OR7A10: variants seen among roughly 807,000 people sequenced by gnomAD.
OR7A10 encodes olfactory receptor family 7 subfamily A member 10, also known as olfactory receptor 7A10.
For synonymous variants in OR7A10, 144 were observed against 144.5 expected, an observed-to-expected ratio of 1.00 and a Z score of 0.02; for missense variants, 358 against 370.1, an observed-to-expected ratio of 0.97 and a Z score of 0.27.
At chr19:14,848,132 A>C (rs1232207440) in intron 1 of OR7A10, among the ~76,000 whole-genome samples, 3 of 151,540 alleles carry the variant, frequency 2.0e-5, no homozygotes, top group Non-Finnish European at 4.4e-5. Context: ...AAAAAAAAAA[A>C]AATGCCCTCA....
intron 1 of OR7A10, among the ~76,000 whole-genome samples, chr19:14,847,651 C>A (rs1171763123): frequency 4.6e-5 from 7 of 152,154 alleles, no homozygotes; most frequent in East Asian, 2.0e-4. Flanking sequence ...GCTGGGACTA[C>A]AAGCGCCCGC....
At chr19:14,847,788 A>C (rs2145099489) in intron 1 of OR7A10, among the ~76,000 whole-genome samples, 1 of 150,284 alleles carries the variant, frequency 6.7e-6, no homozygotes, top group African/African-American at 2.4e-5. Flanking sequence ...TGCTGGGACT[A>C]CAGGCGTGAG....
chr19:14,845,926 C>T (rs191511157), intron 1 of OR7A10, among the ~76,000 whole-genome samples: 11 of 152,170 alleles, frequency 7.2e-5, no homozygotes, highest in Non-Finnish European at 1.3e-4. Flanking sequence ...GAGGCCGAAG[C>T]GAGCGGATCA....
At chr19:14,846,727 G>GAAAAAAAAAAAAAAAAA (rs1242384296) in intron 1 of OR7A10, among the ~76,000 whole-genome samples, 11 of 75,084 alleles carry the variant, frequency 1.5e-4, no homozygotes, top group East Asian at 1.1e-3. Context: ...AAAAAAAAAG[G>GAAAAAAAAAAAAAAAAA]AAAAGGAAGT....
intron 1 of OR7A10, among the ~76,000 whole-genome samples, chr19:14,848,258 T>C (rs145543241): frequency 4.1e-4 from 62 of 152,324 alleles, no homozygotes; most frequent in African/African-American, 1.5e-3. Context: ...ACATTTTCTC[T>C]TCTAATTGGG....
At chr19:14,843,173 A>G (rs1452159845) in intron 1 of OR7A10, among the ~76,000 whole-genome samples, 1 of 152,212 alleles carries the variant, frequency 6.6e-6, no homozygotes, top group Non-Finnish European at 1.5e-5. Context: ...TTGAAAAGTC[A>G]AAAAATAGCA....
At chr19:14,845,328 A>G (rs1243729698) in intron 1 of OR7A10, among the ~76,000 whole-genome samples, 2 of 151,530 alleles carry the variant, frequency 1.3e-5, no homozygotes, top group South Asian at 2.1e-4. Flanking sequence ...TACAAAAATT[A>G]GCTGGGCGTG....
chr19:14,846,727 G>GAAAAAAAAAAAAAAAAAAAAAAAA (rs1242384296), intron 1 of OR7A10, among the ~76,000 whole-genome samples: 1 of 75,090 alleles, frequency 1.3e-5, no homozygotes. Context: ...AAAAAAAAAG[G>GAAAAAAAAAAAAAAAAAAAAAAAA]AAAAGGAAGT....
chr19:14,840,922 C>T lies in OR7A10; in HGVS notation c.*26G>A. On this transcript the variant is annotated 3_prime_UTR_variant, in exon 2 of 2. Coordinates refer to ENST00000641129, the MANE Select transcript of OR7A10 (RefSeq NM_001005190.2). ...TCTGGGGCTTAGAGCTCTGAAGTCA[C>T]AGGCCTTTCTTGAAAAATAGCCTTT... 2.0e-6 allele frequency: 3 copies of T among 1,531,836 alleles called. No individual in the cohort carries two copies. The highest frequency in any genetic ancestry group is 1.8e-6 in the Non-Finnish European group (2 of 1,123,868). 94.9% of individuals were successfully genotyped at this position (1,531,836 alleles called of 1,614,324 possible).
intron 1 of OR7A10, among the ~76,000 whole-genome samples, chr19:14,843,524 T>A (rs527249570): frequency 6.6e-6 from 1 of 152,316 alleles, no homozygotes; most frequent in South Asian, 2.1e-4. Context: ...TTGGCCAACA[T>A]CTTTCTAACT....
Position 14,841,269 on chromosome 19 carries a change from T to C in OR7A10, c.609A>G (p.Val203=), listed in dbSNP as rs1441620940. 4.3e-6 allele frequency: 7 copies of C among 1,614,072 alleles called. No individual in the cohort carries two copies. Among genetic ancestry groups the C allele is most frequent in the African/African-American group, 4.0e-5 (3 of 74,922 alleles). Residue 203 remains valine, a synonymous_variant, in exon 2 of 2, where the codon GTA becomes GTG. Coordinates refer to ENST00000641129, the MANE Select transcript of OR7A10 (RefSeq NM_001005190.2). ...FLNDIVMYFA[V]ALLGGGPLTG... is the part of the protein sequence containing the mutation. ...TGAGGGGACCACCGCCCAGCAGCGC[T>C]ACTGCAAAATACATCACTATGTCAT...
At chr19:14,847,536 A>G (rs2044948295) in intron 1 of OR7A10, among the ~76,000 whole-genome samples, 1 of 151,914 alleles carries the variant, frequency 6.6e-6, no homozygotes, top group East Asian at 2.0e-4. Context: ...TTTGAGATGG[A>G]GTCTCGCTCT....
In OR7A10 at chr19:14,841,179, C is replaced by A. The variant is rs1402879802; in HGVS notation, c.699G>T (p.Gly233=). ...SSIRAISSAQ[G]KYKAFSTCAS... ...CACAGGTGGAAAATGCCTTATACTT[C>A]CCCTGAGCTGATGAGATTGCACGTA... is the stretch of plus-strand genomic sequence containing the variant. The change falls in exon 2 of 2, where the codon GGG becomes GGT. Residue 233 remains glycine, a synonymous_variant. Coordinates refer to ENST00000641129, the MANE Select transcript of OR7A10 (RefSeq NM_001005190.2). The A allele has an allele frequency of 6.2e-7, 1 of 1,613,966 alleles. No homozygotes were observed. Among genetic ancestry groups the A allele is most frequent in the Non-Finnish European group, 8.5e-7 (1 of 1,180,016 alleles).
intron 1 of OR7A10, among the ~76,000 whole-genome samples, chr19:14,845,413 T>C (rs112268082): frequency 0.039 from 5,863 of 151,800 alleles, 363 homozygotes; most frequent in African/African-American, 0.13. Flanking sequence ...AGGCGGAGGC[T>C]GTGGTGAGTT....
intron 1 of OR7A10, among the ~76,000 whole-genome samples, chr19:14,843,137 T>A (rs2044923828): frequency 6.6e-6 from 1 of 152,150 alleles, no homozygotes; most frequent in Non-Finnish European, 1.5e-5. Flanking sequence ...TGAGATACCA[T>A]CTTACACTAG....
chr19:14,843,171 T>C (rs1266597916), intron 1 of OR7A10, among the ~76,000 whole-genome samples: 1 of 152,088 alleles, frequency 6.6e-6, no homozygotes, highest in Non-Finnish European at 1.5e-5. Flanking sequence ...AATTGAAAAG[T>C]CAAAAAATAG....
chr19:14,848,026 G>A (rs571108700), intron 1 of OR7A10, among the ~76,000 whole-genome samples: 2 of 152,006 alleles, frequency 1.3e-5, no homozygotes, highest in East Asian at 3.9e-4. Flanking sequence ...GGGAGGCTGA[G>A]GCAGGAGAAT....
rs999468026 is a variant in OR7A10, at chr19:14,848,671, C to T, written c.-184G>A. ...TCCGAAAGAAACAAGGATGTCCCAT[C>T]CAGCCCAAGGTTGCATATGCTGAGG... On this transcript the variant is annotated 5_prime_UTR_variant, in exon 1 of 2. Coordinates refer to ENST00000641129, the MANE Select transcript of OR7A10 (RefSeq NM_001005190.2). The T allele has an allele frequency of 6.6e-6, 1 of 152,138 alleles. No homozygotes were observed. Among genetic ancestry groups the T allele is most frequent in the African/African-American group, 2.4e-5 (1 of 41,450 alleles). 9.4% of individuals were successfully genotyped at this position (152,138 alleles called of 1,614,324 possible). A position where few individuals can be genotyped will look rare whatever the true frequency, so the allele number is the denominator to read the frequency against.
In OR7A10 at chr19:14,841,984, A is replaced by G. The variant is rs541227985; in HGVS notation, c.-12-95T>C. On this transcript the variant is annotated intron_variant, in intron 1 of 1. Coordinates refer to ENST00000641129, the MANE Select transcript of OR7A10 (RefSeq NM_001005190.2). ...TCAGAAATGTTATCATTTATATTCC[A>G]CAGTCAAGAAGTTAATATCTTTTTC... is the stretch of plus-strand genomic sequence containing the variant. The G allele has an allele frequency of 1.3e-5, 10 of 744,330 alleles. No homozygotes were observed. In the South Asian group the frequency reaches 1.8e-4, roughly 13 times the overall value. The allele number at this position is 744,330 out of a possible 1,614,324, so 46.1% of individuals were successfully genotyped here. A position where few individuals can be genotyped will look rare whatever the true frequency, so the allele number is the denominator to read the frequency against.
Sources: gnomAD v4.1 joint callset for allele counts (sites outside exome capture counted in the v4.1 genomes callset) on GRCh38, gnomAD v4.1.1 for gene constraint, MANE v1.5 for transcripts, NCBI Gene and HGNC (gene_info 2026-07-23, HGNC 2026-07-21) for gene names.